Variants in EFCAB11 observed in about 807,000 individuals in gnomAD.
EFCAB11 encodes EF-hand calcium-binding domain-containing protein 11.
A neutral mutation model predicts 23.0 loss-of-function variants in EFCAB11; 14 were observed. That is an observed-to-expected ratio of 0.61 (90% CI 0.40 to 0.95). EFCAB11 has a LOEUF of 0.95. Among genes scored for constraint, EFCAB11 ranks in the 40% least tolerant of loss-of-function variants. The pLI is 0.00. For synonymous variants in EFCAB11, 65 were observed against 66.6 expected, an observed-to-expected ratio of 0.98 and a Z score of 0.11; for missense variants, 198 against 195.8, an observed-to-expected ratio of 1.01 and a Z score of -0.07.
chr14:89,794,730 A>C lies in EFCAB11; in HGVS notation c.*2513T>G, dbSNP rs1344791068. 3 of 152,126 alleles carry C rather than the reference A, an allele frequency of 2.0e-5. No homozygotes were observed. Among genetic ancestry groups the C allele is most frequent in the Non-Finnish European group, 4.4e-5 (3 of 68,020 alleles). The allele number at this position is 152,126 out of a possible 1,614,324, so 9.4% of individuals were successfully genotyped here. A position where few individuals can be genotyped will look rare whatever the true frequency, so the allele number is the denominator to read the frequency against. On this transcript the variant is annotated 3_prime_UTR_variant, in exon 6 of 6. Coordinates refer to ENST00000316738, the MANE Select transcript of EFCAB11 (RefSeq NM_145231.4). ...TTCAATGTTTTCTTCATTTTAGATAAAGTTTAGTTTAACAGGTTTTGAATA... is the reference window on the plus strand; with the variant it reads ...TTCAATGTTTTCTTCATTTTAGATACAGTTTAGTTTAACAGGTTTTGAATA...
intron 5 of EFCAB11, among the ~76,000 whole-genome samples, chr14:89,831,515 T>C (rs1886883245): frequency 6.6e-6 from 1 of 152,222 alleles, no homozygotes; most frequent in African/African-American, 2.4e-5. Context: ...AAAAAGCAAG[T>C]TGCTGAATGG....
At chr14:89,835,986 A>G (rs1195998265) in intron 5 of EFCAB11, among the ~76,000 whole-genome samples, 1 of 152,136 alleles carries the variant, frequency 6.6e-6, no homozygotes, top group East Asian at 1.9e-4. Flanking sequence ...AAGAAGATGG[A>G]GAGTCAGGTT....
chr14:89,821,202 T>C (rs944099696), intron 5 of EFCAB11, among the ~76,000 whole-genome samples: 3 of 152,062 alleles, frequency 2.0e-5, no homozygotes, highest in African/African-American at 7.2e-5. Flanking sequence ...GTAAAGCAGA[T>C]TGCGCTCCAT....
At chr14:89,909,559 C>T (rs563801677) in intron 5 of EFCAB11, among the ~76,000 whole-genome samples, 11 of 152,122 alleles carry the variant, frequency 7.2e-5, no homozygotes, top group South Asian at 2.1e-4. Flanking sequence ...TCAGCCTGGG[C>T]GACAGGGCAA....
Position 89,954,632 on chromosome 14 carries a change from G to A in EFCAB11, c.29C>T (p.Ser10Leu), listed in dbSNP as rs987382225. ...CGAGGGACTGGCTTCCCACGTCCGC[G>A]ACCTGGCTCTGGCCTCGGAGAAGAA... MFFSEARARSRTWEASPSEH... is the reference protein window; with the variant it reads MFFSEARARLRTWEASPSEH... Residue 10 changes from serine to leucine, a missense_variant, in exon 1 of 6, where the codon TCG becomes TTG. Ser to Leu is a moderately radical substitution (Grantham distance 145, BLOSUM62 -2). Coordinates refer to ENST00000316738, the MANE Select transcript of EFCAB11 (RefSeq NM_145231.4). 1.2e-6 allele frequency: 2 copies of A among 1,613,204 alleles called. No individual in the cohort carries two copies. The highest frequency in any genetic ancestry group is 1.3e-5 in the African/African-American group (1 of 74,906).
At position 89,950,027 on chromosome 14, in the gene EFCAB11, G is replaced by C. The variant is rs1473029809; in HGVS notation, c.217+70C>G. 2.8e-6 allele frequency: 4 copies of C among 1,429,680 alleles called. No individual in the cohort carries two copies. The East Asian group carries it at 7.8e-5, about 28-fold the overall frequency. 88.6% of individuals were successfully genotyped at this position (1,429,680 alleles called of 1,614,324 possible). Reference sequence around the variant, plus strand: ...CATAGGAATTTGAGATGAGACTGATGTAGGGACACAGCCAAGCCATCTCAG... The same window carrying C: ...CATAGGAATTTGAGATGAGACTGATCTAGGGACACAGCCAAGCCATCTCAG... On this transcript the variant is annotated intron_variant, in intron 3 of 5. Transcript: ENST00000316738.
In EFCAB11 at chr14:89,906,421, C is replaced by T. The variant is rs977881809; in HGVS notation, c.410+25120G>A. Among the ~76,000 whole-genome samples, 6 of 151,946 alleles carry T rather than the reference C, an allele frequency of 3.9e-5. No homozygotes were observed. In the South Asian group the frequency reaches 6.2e-4, roughly 16 times the overall value. Reference sequence around the variant, plus strand: ...ATTTCCTATAGCATTTGGGTTTGGGCGATTTATAGCTAGAAAATGGCTTCA... The same window carrying T: ...ATTTCCTATAGCATTTGGGTTTGGGTGATTTATAGCTAGAAAATGGCTTCA... On this transcript the variant is annotated intron_variant, in intron 5 of 5. Transcript: ENST00000316738.
At chr14:89,932,198 TTGA>T (rs1346622869) in intron 4 of EFCAB11, among the ~76,000 whole-genome samples, 7 of 151,796 alleles carry the variant, frequency 4.6e-5, no homozygotes, top group African/African-American at 1.7e-4. Context: ...AGAGCAAGAG[TTGA>T]TGAAGAAGCC....
At chr14:89,864,586 C>T (rs987152060) in intron 5 of EFCAB11, among the ~76,000 whole-genome samples, 5 of 151,950 alleles carry the variant, frequency 3.3e-5, no homozygotes, top group Non-Finnish European at 7.4e-5. Context: ...CGTCAACATG[C>T]CCAGATAATT....
chr14:89,860,336 C>T (rs539663494), intron 5 of EFCAB11, among the ~76,000 whole-genome samples: 1 of 152,172 alleles, frequency 6.6e-6, no homozygotes, highest in African/African-American at 2.4e-5. Context: ...TGCACTCCAG[C>T]CTGGGCGACA....
At chr14:89,850,053 T>G (rs113300773) in intron 5 of EFCAB11, among the ~76,000 whole-genome samples, 4,881 of 152,250 alleles carry the variant, frequency 0.032, 110 homozygotes, top group South Asian at 0.11. Context: ...TGGCATCTCT[T>G]CTGCCACATG....
At chr14:89,817,630 T>G (rs528131553) in intron 5 of EFCAB11, among the ~76,000 whole-genome samples, 20 of 152,044 alleles carry the variant, frequency 1.3e-4, no homozygotes, top group Non-Finnish European at 8.8e-5. Flanking sequence ...TAGACGAAAA[T>G]AATAATATAT....
At chr14:89,905,356 C>G (rs1889464371) in intron 5 of EFCAB11, among the ~76,000 whole-genome samples, 2 of 152,090 alleles carry the variant, frequency 1.3e-5, no homozygotes, top group African/African-American at 2.4e-5. Flanking sequence ...AGATCTAGAC[C>G]CAGTCCTAAC....
At chr14:89,800,621 A>G (rs1051898172) in intron 5 of EFCAB11, among the ~76,000 whole-genome samples, 17 of 152,244 alleles carry the variant, frequency 1.1e-4, no homozygotes, top group African/African-American at 4.1e-4. Flanking sequence ...GATGTAAAAG[A>G]GGATAATTAA....
chr14:89,874,422 C>T (rs967927311), intron 5 of EFCAB11, among the ~76,000 whole-genome samples: 1 of 152,136 alleles, frequency 6.6e-6, no homozygotes, highest in Non-Finnish European at 1.5e-5. Flanking sequence ...ACATTTGGCT[C>T]CTTGTTATTT....
Position 89,931,560 on chromosome 14 carries a change from T to C in EFCAB11, c.391A>G (p.Thr131Ala). 6.2e-7 allele frequency: 1 copy of C among 1,614,152 alleles called. No homozygotes were observed. Among genetic ancestry groups the C allele is most frequent in the African/African-American group, 1.3e-5 (1 of 75,052 alleles). The change falls in exon 5 of 6, where the codon ACT becomes GCT. Residue 131 changes from threonine to alanine, a missense_variant. Transcript: ENST00000316738. ...CCTTACCTGAATACCTCAAGAACAG[T>C]CCTTTCCGGTAATTTGGGAGCCACC... Reference protein sequence around the residue: ...RQVAPKLPERTVLEVFREVDR... With the variant: ...RQVAPKLPERAVLEVFREVDR...
chr14:89,932,123 C>T (rs1014663576), intron 4 of EFCAB11, among the ~76,000 whole-genome samples: 3 of 152,116 alleles, frequency 2.0e-5, no homozygotes, highest in African/African-American at 7.2e-5. Flanking sequence ...AGGGGGTCTA[C>T]AGCCACCCAC....
intron 5 of EFCAB11, among the ~76,000 whole-genome samples, chr14:89,867,052 C>G (rs1244154430): frequency 6.6e-6 from 1 of 152,206 alleles, no homozygotes; most frequent in African/African-American, 2.4e-5. Flanking sequence ...CAGGCGTGAG[C>G]CACTGCGCCT....
intron 5 of EFCAB11, among the ~76,000 whole-genome samples, chr14:89,929,937 A>T (rs1266783857): frequency 2.0e-5 from 3 of 152,174 alleles, no homozygotes; most frequent in Non-Finnish European, 4.4e-5. Context: ...TTAACACATA[A>T]AGTTCATCAT....
Sources: gnomAD v4.1 joint callset for allele counts (sites outside exome capture counted in the v4.1 genomes callset) on GRCh38, gnomAD v4.1.1 for gene constraint, MANE v1.5 for transcripts, NCBI Gene and HGNC (gene_info 2026-07-23, HGNC 2026-07-21) for gene names.